Variants in ERN2 observed in about 807,000 individuals in gnomAD.
The protein encoded by ERN2 is endoplasmic reticulum to nucleus signaling 2.
ERN2 carries 111 observed loss-of-function variants against 107.9 expected under a neutral mutation model. That is an observed-to-expected ratio of 1.03 (90% CI 0.88 to 1.20). The LOEUF (loss-of-function observed/expected upper bound fraction) is 1.20. ERN2 is among the 50% of genes most tolerant of loss of function. The probability of loss-of-function intolerance (pLI) is 0.00; values close to 1 mark genes in which losing one functional copy is unlikely to be tolerated. For synonymous variants in ERN2, 524 were observed against 501.7 expected, an observed-to-expected ratio of 1.04 and a Z score of -0.59; for missense variants, 1,225 against 1,197.9, an observed-to-expected ratio of 1.02 and a Z score of -0.33.
chr16:23,700,519 T>C lies in ERN2; in HGVS notation c.1525+20A>G, dbSNP rs1458762400. The C allele has an allele frequency of 6.2e-7, 1 of 1,600,104 alleles. No individual in the cohort carries two copies. Among genetic ancestry groups the C allele is most frequent in the African/African-American group, 1.3e-5 (1 of 74,210 alleles). Reference sequence around the variant, plus strand: ...CTTTTCTCTGTTCCTGACTGCCCTGTCTTGTTCACACAGGCTCACCTTCAG... The same window carrying C: ...CTTTTCTCTGTTCCTGACTGCCCTGCCTTGTTCACACAGGCTCACCTTCAG... On this transcript the variant is annotated intron_variant, in intron 13 of 21. Coordinates refer to ENST00000256797, the MANE Select transcript of ERN2 (RefSeq NM_033266.4).
chr16:23,692,957 G>A (rs1301512619), intron 17 of ERN2, among the ~76,000 whole-genome samples: 1 of 145,908 alleles, frequency 6.9e-6, no homozygotes, highest in African/African-American at 2.6e-5. Context: ...GGCCTCAAGC[G>A]ATTCTGATTT....
Position 23,695,025 on chromosome 16 carries a change from G to A in ERN2, c.1894C>T (p.His632Tyr). Residue 632 changes from histidine (H) to tyrosine (Y), a missense_variant, in exon 16 of 22, where the codon CAC becomes TAC. By Grantham distance (83) the His-to-Tyr change is moderately conservative. Coordinates refer to ENST00000256797, the MANE Select transcript of ERN2 (RefSeq NM_033266.4). The part of the protein sequence containing the change: ...MSGLAHLHSL[H>Y]IVHRDLKPGN... ...GCAGGGGAAGTGCGGGTACCTATGT[G>A]TAAAGAGTGCAGGTGGGCCAGGCCA... The A allele has an allele frequency of 1.2e-6, 2 of 1,613,394 alleles. No homozygotes were observed. The highest frequency in any genetic ancestry group is 2.2e-5 in the South Asian group (2 of 90,996).
At chr16:23,701,983 C>CAAT (rs1468615241) in intron 11 of ERN2, among the ~76,000 whole-genome samples, 169 bp downstream of exon 11, 2 of 69,832 alleles carry the variant, frequency 2.9e-5, no homozygotes, top group East Asian at 3.9e-4. Context: ...ACAACAACAA[C>CAAT]AACAACAACA....
chr16:23,709,722 A>C (rs1960465670), intron 4 of ERN2: 1 of 179,590 alleles, frequency 5.6e-6, no homozygotes. Context: ...CATCCAGTTG[A>C]CTAGCAGCTG....
chr16:23,709,904 T>C (rs535819198), intron 4 of ERN2: 3 of 395,042 alleles, frequency 7.6e-6, no homozygotes, highest in East Asian at 4.6e-5. Flanking sequence ...AACTGGTATA[T>C]ACATTTCTCT....
chr16:23,707,944 G>T lies in ERN2; in HGVS notation c.307-865C>A, dbSNP rs190648599. ...TTCTCTACTCTGCTTTCTCCCCAAA[G>T]CTGGACTTGTCTGGGTTATGTCTGT... On this transcript the variant is annotated intron_variant, in intron 4 of 21. Coordinates refer to ENST00000256797, the MANE Select transcript of ERN2 (RefSeq NM_033266.4). Among the ~76,000 whole-genome samples the T allele has an allele frequency of 1.1e-3, 174 of 152,316 alleles. 1 individual carries two copies. Among genetic ancestry groups the T allele is most frequent in the African/African-American group, 3.9e-3 (161 of 41,574 alleles).
chr16:23,695,995 TG>T lies in ERN2; in HGVS notation c.1526-18del. The T allele has an allele frequency of 6.2e-7, 1 of 1,605,914 alleles. No homozygotes were observed. The highest frequency in any genetic ancestry group is 8.5e-7 in the Non-Finnish European group (1 of 1,172,818). On this transcript the variant is annotated intron_variant, in intron 13 of 21. Transcript: ENST00000256797. ...GTTGCTCAGCTGGGGGAGAGGAGGG[TG>T]GTGACTCAGGGAGCCTCTGCCCACC... is the stretch of plus-strand genomic sequence containing the variant.
chr16:23,691,926 G>C, intron 19 of ERN2, 37 bp downstream of exon 19: 2 of 1,599,812 alleles, frequency 1.3e-6, no homozygotes, highest in Non-Finnish European at 1.7e-6. Flanking sequence ...CCCAAACTTA[G>C]GACTTTTGGG....
intron 13 of ERN2, among the ~76,000 whole-genome samples, chr16:23,699,381 A>G (rs1959957200): frequency 6.6e-6 from 1 of 152,052 alleles, no homozygotes; most frequent in Admixed American, 6.6e-5. Context: ...GACAACCAAA[A>G]CCATGAGCCA....
At position 23,706,426 on chromosome 16, in the gene ERN2, T is replaced by C; in HGVS notation, c.493A>G (p.Thr165Ala). The change falls in exon 7 of 22, where the codon ACG becomes GCG. Residue 165 changes from threonine (T) to alanine (A), a missense_variant. Thr to Ala is a moderately conservative substitution (Grantham distance 58). Transcript: ENST00000256797. ...PRLYIGRTQYTVTMHDPRAPA... is the reference protein window; with the variant it reads ...PRLYIGRTQYAVTMHDPRAPA... ...GCTCTTGGGTCATGCATGGTGACCG[T>C]ATACTCTGGGGATCCCAGAAGCAAG... is the stretch of plus-strand genomic sequence containing the variant. 1.3e-6 allele frequency: 2 copies of C among 1,565,240 alleles called. No individual in the cohort carries two copies. Among genetic ancestry groups the C allele is most frequent in the Non-Finnish European group, 1.7e-6 (2 of 1,153,464 alleles).
In ERN2 at chr16:23,691,010, G is replaced by C. The variant is rs755206735; in HGVS notation, c.2602C>G (p.Arg868Gly). The C allele has an allele frequency of 6.2e-7, 1 of 1,614,062 alleles. No homozygotes were observed. The highest frequency in any genetic ancestry group is 1.3e-5 in the African/African-American group (1 of 74,916). ...HHYRELPVEV[R>G]QALGQVPDGF... ...TCAGGGACTTGGCCGAGTGCCTGTCGCACCTCAACTGGGAGCTCCCTGTAG... is the reference window on the plus strand; with the variant it reads ...TCAGGGACTTGGCCGAGTGCCTGTCCCACCTCAACTGGGAGCTCCCTGTAG... The change falls in exon 22 of 22, where the codon CGA (arginine) becomes GGA (glycine). Residue 868 changes from arginine to glycine, a missense_variant. Physicochemically the swap from Arg to Gly is moderately radical, Grantham distance 125. Coordinates refer to ENST00000256797, the MANE Select transcript of ERN2 (RefSeq NM_033266.4).
At chr16:23,709,187 T>C (rs1373651980) in intron 4 of ERN2, 1 of 455,648 alleles carries the variant, frequency 2.2e-6, no homozygotes, top group East Asian at 7.0e-5. Flanking sequence ...TTCCAGCTAC[T>C]CAGGATACTG....
At chr16:23,698,872 GC>G (rs762567062) in intron 13 of ERN2, among the ~76,000 whole-genome samples, 1 of 152,206 alleles carries the variant, frequency 6.6e-6, no homozygotes, top group Non-Finnish European at 1.5e-5. Context: ...ACAGGCATGA[GC>G]CACCGTGCCC....
chr16:23,698,267 C>T (rs939904565), intron 13 of ERN2, among the ~76,000 whole-genome samples: 1 of 152,190 alleles, frequency 6.6e-6, no homozygotes, highest in Non-Finnish European at 1.5e-5. Context: ...CACTTATTAG[C>T]TTTGTGAGCC....
chr16:23,701,092 TTC>T lies in ERN2; in HGVS notation c.1224_1225del (p.Lys409ThrfsTer28). On this transcript the variant is annotated frameshift_variant, in exon 12 of 22. Transcript: ENST00000256797. LOFTEE classifies it high-confidence loss of function. ...TGGATGCAGCTCGGAGTCCCAAAGT[TTC>T]TCTCGGCTCAGGCTCAATAGCTGGG... 1 of 1,614,010 alleles carries T rather than the reference TTC, an allele frequency of 6.2e-7. No individual in the cohort carries two copies. The highest frequency in any genetic ancestry group is 8.5e-7 in the Non-Finnish European group (1 of 1,179,956).
chr16:23,694,048 A>G (rs1959704400), intron 17 of ERN2, among the ~76,000 whole-genome samples: 1 of 152,096 alleles, frequency 6.6e-6, no homozygotes, highest in South Asian at 2.1e-4. Context: ...TCCAGGCTAG[A>G]GTGCAGTAGT....
chr16:23,697,834 G>A (rs1211586548), intron 13 of ERN2, among the ~76,000 whole-genome samples: 1 of 152,094 alleles, frequency 6.6e-6, no homozygotes, highest in Non-Finnish European at 1.5e-5. Flanking sequence ...ATAGCTCACT[G>A]TAACCTCGAA....
Position 23,700,986 on chromosome 16 carries a change from T to A in ERN2, c.1332A>T (p.Gly444=), listed in dbSNP as rs780033380. ...LAASLTAVLL[G]GWILFVMRQQ... is the part of the protein sequence containing the mutation. The stretch of plus-strand genomic sequence containing the variant: ...GCCTCATCACAAAGAGAATCCACCC[T>A]CCCAGGAGGACAGCAGTGAGGCTAG... Residue 444 remains glycine, a synonymous_variant, in exon 12 of 22, where the codon GGA becomes GGT. Coordinates refer to ENST00000256797, the MANE Select transcript of ERN2 (RefSeq NM_033266.4). 1 of 1,613,980 alleles carries A rather than the reference T, an allele frequency of 6.2e-7. No homozygotes were observed. The highest frequency in any genetic ancestry group is 8.5e-7 in the Non-Finnish European group (1 of 1,179,952).
chr16:23,704,091 T>C (rs1960202143), intron 8 of ERN2, among the ~76,000 whole-genome samples: 1 of 152,242 alleles, frequency 6.6e-6, no homozygotes, highest in Admixed American at 6.5e-5. Flanking sequence ...AATGAATAGA[T>C]GATCCCTGAT....
Sources: allele counts gnomAD v4.1 joint callset (sites outside exome capture counted in the v4.1 genomes callset), GRCh38; gene constraint gnomAD v4.1.1; transcripts MANE v1.5; gene names NCBI Gene and HGNC (gene_info 2026-07-23, HGNC 2026-07-21).